The following BEND5 variants were observed in gnomAD, a reference collection of about 807,000 sequenced individuals.
The protein encoded by BEND5 is BEN domain containing 5, also known as BEN domain-containing protein 5.
Under a neutral mutation model 43.9 loss-of-function variants are expected in BEND5, and 22 were observed. The observed-to-expected ratio is 0.50, with a 90% CI of 0.36 to 0.72. The LOEUF is 0.72. BEND5 is among the 30% of genes least tolerant of loss of function. The pLI is 0.00. For synonymous variants in BEND5, 228 were observed against 225.9 expected (o/e 1.01, Z -0.08); for missense variants, 428 against 550.6 (o/e 0.78, Z 2.23).
At chr1:48,758,219 C>G (rs1162724284) in intron 3 of BEND5, among the ~76,000 whole-genome samples, 1 of 152,204 alleles carries the variant, frequency 6.6e-6, no homozygotes, top group African/African-American at 2.4e-5. Flanking sequence ...CTTTCTAATG[C>G]TTTCCATTCC....
intron 1 of BEND5, among the ~76,000 whole-genome samples, chr1:48,774,201 T>G (rs547330539): frequency 6.6e-6 from 1 of 152,198 alleles, no homozygotes; most frequent in Non-Finnish European, 1.5e-5. Context: ...CACCTCTGCT[T>G]CCCACTTGAG....
intron 3 of BEND5, among the ~76,000 whole-genome samples, chr1:48,745,775 T>C (rs941615412): frequency 2.6e-5 from 4 of 152,138 alleles, no homozygotes; most frequent in African/African-American, 7.2e-5. Context: ...AAATACTGGG[T>C]TTAAGTACTG....
intron 1 of BEND5, 151 bp downstream of exon 1, chr1:48,776,455 G>T: frequency 1.7e-6 from 1 of 603,700 alleles, no homozygotes; most frequent in South Asian, 3.0e-5. Context: ...GAGACACCCC[G>T]TTCCCAAATG....
At position 48,742,719 on chromosome 1, in the gene BEND5, CGGCTCG is replaced by C; in HGVS notation, c.792_797del (p.Pro266_Glu267del). ...CCTCACTGAAAGTGCTCCGTAACTC[CGGCTCG>C]GGCTCGAGACATTCTGACTTTACTT... On this transcript the variant is annotated inframe_deletion, in exon 4 of 6. Coordinates refer to ENST00000371833, the MANE Select transcript of BEND5 (RefSeq NM_024603.4). 1 of 1,610,054 alleles carries C rather than the reference CGGCTCG, an allele frequency of 6.2e-7. No homozygotes were observed. The highest frequency in any genetic ancestry group is 8.5e-7 in the Non-Finnish European group (1 of 1,178,074).
rs1027531090 is a variant in BEND5, at chr1:48,754,393, G to A, written c.745+4507C>T. Among the ~76,000 whole-genome samples the A allele has an allele frequency of 5.3e-5, 8 of 152,166 alleles. No individual in the cohort carries two copies. In the East Asian group the frequency reaches 9.7e-4, roughly 18 times the overall value. On this transcript the variant is annotated intron_variant, in intron 3 of 5. Coordinates refer to ENST00000371833, the MANE Select transcript of BEND5 (RefSeq NM_024603.4). ...AAAGGCACTCTGTCTTGTTCATTACGTTATTCCCAGCACCTAACCCAGTCC... is the reference window on the plus strand; with the variant it reads ...AAAGGCACTCTGTCTTGTTCATTACATTATTCCCAGCACCTAACCCAGTCC...
At chr1:48,771,842 G>C (rs1168783288) in intron 1 of BEND5, among the ~76,000 whole-genome samples, 1 of 152,200 alleles carries the variant, frequency 6.6e-6, no homozygotes, top group East Asian at 1.9e-4. Flanking sequence ...AAAGCAATAA[G>C]AACATGGCTT....
In BEND5 at chr1:48,776,654, C is replaced by A; in HGVS notation, c.178G>T (p.Asp60Tyr). ...GPESPPRAPR[D>Y]WGALLLHKAQ... Reference sequence around the variant, plus strand: ...TTGTGGAGCAACAGCGCGCCCCAGTCGCGGGGGGCGCGCGGGGGGCTCTCG... The same window carrying A: ...TTGTGGAGCAACAGCGCGCCCCAGTAGCGGGGGGCGCGCGGGGGGCTCTCG... Residue 60 changes from aspartate (D) to tyrosine (Y), a missense_variant, in exon 1 of 6, where the codon GAC becomes TAC. Asp to Tyr is a radical substitution (Grantham distance 160). Coordinates refer to ENST00000371833, the MANE Select transcript of BEND5 (RefSeq NM_024603.4). The A allele has an allele frequency of 6.7e-7, 1 of 1,491,818 alleles. No homozygotes were observed. Among genetic ancestry groups the A allele is most frequent in the South Asian group, 1.3e-5 (1 of 78,412 alleles). The allele number at this position is 1,491,818 out of a possible 1,614,324, so 92.4% of individuals were successfully genotyped here.
In BEND5 at chr1:48,736,775, A is replaced by G. The variant is rs530848307; in HGVS notation, c.895-323T>C. Among the ~76,000 whole-genome samples, 92 of 152,330 alleles carry G rather than the reference A, an allele frequency of 6.0e-4. No homozygotes were observed. Among genetic ancestry groups the G allele is most frequent in the African/African-American group, 2.2e-3 (91 of 41,576 alleles). On this transcript the variant is annotated intron_variant, in intron 4 of 5. Transcript: ENST00000371833. This position sits in a 1 kb window ranked among gnomAD's most constrained non-coding sequence, Gnocchi z 4.0. ...ACTTGCTGAACATCATTCAACTAGT[A>G]AGTGGCAGAGTTGATATTCTACACT...
intron 1 of BEND5, among the ~76,000 whole-genome samples, chr1:48,765,077 A>G (rs1430190014): frequency 6.6e-6 from 1 of 151,974 alleles, no homozygotes; most frequent in African/African-American, 2.4e-5. Context: ...GCTTCCACTC[A>G]TCTCCTCCCT....
At chr1:48,773,035 C>T (rs547614179) in intron 1 of BEND5, among the ~76,000 whole-genome samples, 16 of 152,236 alleles carry the variant, frequency 1.1e-4, no homozygotes, top group Admixed American at 2.0e-4. Flanking sequence ...ACCCCTGGGT[C>T]GTGCTGTCAT....
intron 3 of BEND5, among the ~76,000 whole-genome samples, chr1:48,747,188 C>T (rs1026148359): frequency 6.6e-6 from 1 of 152,040 alleles, no homozygotes; most frequent in African/African-American, 2.4e-5. Context: ...TACAATCTGG[C>T]GCAGATATTT....
At chr1:48,774,523 G>T (rs1644985053) in intron 1 of BEND5, among the ~76,000 whole-genome samples, 2 of 152,194 alleles carry the variant, frequency 1.3e-5, no homozygotes, top group South Asian at 4.1e-4. Flanking sequence ...GAGGTAAGGG[G>T]AAGTGTTTTT....
At chr1:48,774,150 G>A (rs992210015) in intron 1 of BEND5, among the ~76,000 whole-genome samples, 2 of 152,228 alleles carry the variant, frequency 1.3e-5, no homozygotes, top group Admixed American at 6.5e-5. Flanking sequence ...GTGTCAGAGA[G>A]ATTAATTAAT....
At chr1:48,735,422 CAGAGGAGAAAGAAG>C (rs935271432) in intron 5 of BEND5, among the ~76,000 whole-genome samples, 2 of 139,044 alleles carry the variant, frequency 1.4e-5, no homozygotes, top group Non-Finnish European at 3.1e-5. Flanking sequence ...AGAAAAAAGA[CAGAGGAGAAAGAAG>C]AGAGGAGGAA....
chr1:48,757,305 C>T (rs539728313), intron 3 of BEND5, among the ~76,000 whole-genome samples: 1 of 152,312 alleles, frequency 6.6e-6, no homozygotes, highest in South Asian at 2.1e-4. Context: ...CCCCCATCAC[C>T]ACTACAAGAA....
intron 3 of BEND5, 69 bp from the exon 4 acceptor site, chr1:48,742,840 G>C (rs1650128337): frequency 7.1e-7 from 1 of 1,409,200 alleles, no homozygotes; most frequent in Non-Finnish European, 9.4e-7. Context: ...TTTTAACTAG[G>C]CATCTATCAG....
chr1:48,776,876 G>C lies in BEND5; in HGVS notation c.-45C>G. The C allele has an allele frequency of 7.3e-7, 1 of 1,362,782 alleles. No individual in the cohort carries two copies. The allele number at this position is 1,362,782 out of a possible 1,614,324, so 84.4% of individuals were successfully genotyped here. A position where few individuals can be genotyped will look rare whatever the true frequency, so the allele number is the denominator to read the frequency against. ...CCCCGGTCGGGCAGCTCAGCCCGCG[G>C]GGCGGGCGCGGAGGTGGGGATCCGG... On this transcript the variant is annotated 5_prime_UTR_variant, in exon 1 of 6. Coordinates refer to ENST00000371833, the MANE Select transcript of BEND5 (RefSeq NM_024603.4).
intron 1 of BEND5, among the ~76,000 whole-genome samples, chr1:48,769,526 A>AACACACAC (rs558937968): frequency 0.086 from 11,167 of 130,092 alleles, 542 homozygotes; most frequent in Admixed American, 0.12. Context: ...GAGGATTTAA[A>AACACACAC]ACACACACAC....
At position 48,742,847 on chromosome 1, in the gene BEND5, T is replaced by C. The variant is rs17104751; in HGVS notation, c.746-76A>G. The C allele has an allele frequency of 3.9e-4, 541 of 1,399,808 alleles. 2 individuals carry two copies. The African/African-American group carries it at 6.9e-3, about 18-fold the overall frequency. The allele number at this position is 1,399,808 out of a possible 1,614,324, so 86.7% of individuals were successfully genotyped here. A position where few individuals can be genotyped will look rare whatever the true frequency, so the allele number is the denominator to read the frequency against. On this transcript the variant is annotated intron_variant, in intron 3 of 5. Transcript: ENST00000371833. ...GCAAATATTTTTAACTAGGCATCTA[T>C]CAGCACACCATGGCACAAAAAATTT...
Sources: allele counts gnomAD v4.1 joint callset (sites outside exome capture counted in the v4.1 genomes callset), GRCh38; gene constraint gnomAD v4.1.1; non-coding constraint Gnocchi (gnomAD v3.1); transcripts MANE v1.5; gene names NCBI Gene and HGNC (gene_info 2026-07-23, HGNC 2026-07-21).